SPIRE1: variants seen among roughly 807,000 people sequenced by gnomAD.
The protein encoded by SPIRE1 is protein spire homolog 1.
Under a neutral mutation model 94.1 loss-of-function variants are expected in SPIRE1, and 40 were observed. The observed-to-expected ratio is 0.43, with a 90% CI of 0.33 to 0.55. SPIRE1 has a LOEUF of 0.55. Ranked by LOEUF, SPIRE1 falls within the 20% of genes least tolerant of loss-of-function variation. The pLI, the probability that SPIRE1 is intolerant of heterozygous loss-of-function variation, is 0.06. For synonymous variants in SPIRE1, 376 were observed against 371.7 expected (o/e 1.01, Z -0.13); for missense variants, 838 against 975.2 (o/e 0.86, Z 1.87).
intron 2 of SPIRE1, among the ~76,000 whole-genome samples, chr18:12,609,465 C>A (rs2037079249): frequency 6.6e-6 from 1 of 152,102 alleles, no homozygotes; most frequent in Non-Finnish European, 1.5e-5. Context: ...TACCAGCACA[C>A]CAAATTCAAG....
At chr18:12,453,740 G>A (rs1249602316) in intron 13 of SPIRE1, among the ~76,000 whole-genome samples, 1 of 151,940 alleles carries the variant, frequency 6.6e-6, no homozygotes, top group Non-Finnish European at 1.5e-5. Flanking sequence ...GGCCTTCTCA[G>A]ATACATTTTC....
chr18:12,538,689 C>A (rs2034915721), intron 3 of SPIRE1, among the ~76,000 whole-genome samples: 1 of 152,036 alleles, frequency 6.6e-6, no homozygotes, highest in Non-Finnish European at 1.5e-5. Context: ...TCCTTTTTTC[C>A]CCCCTTAATA....
At chr18:12,459,282 C>T (rs1044040880) in intron 12 of SPIRE1, among the ~76,000 whole-genome samples, 1 of 152,238 alleles carries the variant, frequency 6.6e-6, no homozygotes, top group Non-Finnish European at 1.5e-5. Context: ...GATGGGAGCA[C>T]ACAGGTTTCC....
intron 2 of SPIRE1, among the ~76,000 whole-genome samples, chr18:12,605,430 C>G (rs1001395467): frequency 6.6e-6 from 1 of 152,162 alleles, no homozygotes; most frequent in Non-Finnish European, 1.5e-5. Context: ...CGCTTGAACC[C>G]GGCAGGCGGA....
chr18:12,651,420 T>G (rs934312555), intron 1 of SPIRE1, among the ~76,000 whole-genome samples: 1 of 152,108 alleles, frequency 6.6e-6, no homozygotes, highest in Non-Finnish European at 1.5e-5. Context: ...CTCACGCCTG[T>G]AATCCCAGCA....
intron 2 of SPIRE1, among the ~76,000 whole-genome samples, chr18:12,548,780 T>C (rs927163886): frequency 1.3e-5 from 2 of 151,694 alleles, no homozygotes; most frequent in African/African-American, 4.8e-5. Context: ...GCCTGGCTAA[T>C]TTTTTTTGGA....
rs142286758 is a variant in SPIRE1, at chr18:12,509,955, C to T, written c.807+2499G>A. On this transcript the variant is annotated intron_variant, in intron 5 of 16. Transcript: ENST00000409402. The stretch of plus-strand genomic sequence containing the variant: ...CAAAAATTAGCTGGGTGTGGTGGTG[C>T]GCACCTGTAATCCCAGCTACTCAGG... Among the ~76,000 whole-genome samples the T allele has an allele frequency of 7.1e-3, 1,071 of 151,788 alleles. 6 individuals are homozygous for T. The highest frequency in any genetic ancestry group is 0.011 in the Non-Finnish European group (776 of 67,918).
At chr18:12,610,710 C>T (rs1415489170) in intron 2 of SPIRE1, among the ~76,000 whole-genome samples, 3 of 152,128 alleles carry the variant, frequency 2.0e-5, no homozygotes, top group Admixed American at 6.5e-5. Flanking sequence ...CCCAAAACCA[C>T]GCATTTCCTT....
At chr18:12,617,210 A>C (rs1385409209) in intron 2 of SPIRE1, among the ~76,000 whole-genome samples, 1 of 141,208 alleles carries the variant, frequency 7.1e-6, no homozygotes, top group African/African-American at 2.7e-5. Flanking sequence ...CCCAGGCTGG[A>C]GTGCAGTGGT....
chr18:12,475,412 A>T (rs563657305), intron 10 of SPIRE1, among the ~76,000 whole-genome samples: 153 of 152,296 alleles, frequency 1.0e-3, no homozygotes, highest in African/African-American at 3.5e-3. Flanking sequence ...TTTAAATTAT[A>T]AACAACAGAA....
intron 2 of SPIRE1, among the ~76,000 whole-genome samples, chr18:12,561,555 C>G (rs781569307): frequency 6.6e-6 from 1 of 152,164 alleles, no homozygotes. Flanking sequence ...CTTGAGCCAC[C>G]GTGCCTGGCC....
intron 2 of SPIRE1, among the ~76,000 whole-genome samples, chr18:12,578,887 C>T (rs1234161268): frequency 6.6e-6 from 1 of 152,092 alleles, no homozygotes; most frequent in African/African-American, 2.4e-5. Flanking sequence ...GAAGTTTTGA[C>T]TTTTTTTCTA....
At chr18:12,544,682 T>G (rs968186823) in intron 3 of SPIRE1, among the ~76,000 whole-genome samples, 1 of 152,072 alleles carries the variant, frequency 6.6e-6, no homozygotes, top group Admixed American at 6.5e-5. Context: ...TAACTATTCA[T>G]TTTTCATATA....
chr18:12,451,414 A>G (rs2031230653), intron 16 of SPIRE1, among the ~76,000 whole-genome samples: 1 of 152,220 alleles, frequency 6.6e-6, no homozygotes, highest in Admixed American at 6.5e-5. Flanking sequence ...GGAATCATCT[A>G]CTTATTTACT....
chr18:12,518,167 C>T (rs984422093), intron 4 of SPIRE1, among the ~76,000 whole-genome samples: 1 of 152,094 alleles, frequency 6.6e-6, no homozygotes, highest in African/African-American at 2.4e-5. Context: ...TGTACTACCA[C>T]ACCTGGCTAA....
chr18:12,596,514 T>G (rs1465535064), intron 2 of SPIRE1, among the ~76,000 whole-genome samples: 1 of 152,080 alleles, frequency 6.6e-6, no homozygotes, highest in African/African-American at 2.4e-5. Context: ...CCCACAAAGT[T>G]GAAAGGGGGA....
chr18:12,610,816 C>T (rs951481029), intron 2 of SPIRE1, among the ~76,000 whole-genome samples: 6 of 152,140 alleles, frequency 3.9e-5, no homozygotes, highest in Non-Finnish European at 5.9e-5. Flanking sequence ...TCTCAATGAC[C>T]CTGCTTTCCA....
chr18:12,581,408 A>C (rs577282319), intron 2 of SPIRE1, among the ~76,000 whole-genome samples: 3 of 152,334 alleles, frequency 2.0e-5, no homozygotes, highest in African/African-American at 7.2e-5. Flanking sequence ...CGTTTTGAAA[A>C]CAGTAAAACC....
intron 2 of SPIRE1, among the ~76,000 whole-genome samples, chr18:12,596,172 T>C (rs1394103175): frequency 6.6e-6 from 1 of 152,108 alleles, no homozygotes; most frequent in Non-Finnish European, 1.5e-5. Flanking sequence ...GTGAAATAGC[T>C]AGAAAAGAGG....
Sources: gnomAD v4.1 joint callset for allele counts (sites outside exome capture counted in the v4.1 genomes callset) on GRCh38, gnomAD v4.1.1 for gene constraint, MANE v1.5 for transcripts, NCBI Gene and HGNC (gene_info 2026-07-23, HGNC 2026-07-21) for gene names.